The following MYLK3 variants were observed in gnomAD, a reference collection of about 807,000 sequenced individuals.
MYLK3 encodes MLC kinase.
Under a neutral mutation model 76.3 loss-of-function variants are expected in MYLK3, and 55 were observed. The observed-to-expected ratio is 0.72, with a 90% CI of 0.58 to 0.90. The LOEUF (loss-of-function observed/expected upper bound fraction) is 0.90. Among genes scored for constraint, MYLK3 ranks in the 40% least tolerant of loss-of-function variants. The pLI is 0.00. For missense variants in MYLK3, 973 were observed against 1,053.6 expected, an observed-to-expected ratio of 0.92 and a Z score of 1.06; for synonymous variants, 416 against 425.4, an observed-to-expected ratio of 0.98 and a Z score of 0.27.
chr16:46,741,770 AT>A (rs11314898), intron 1 of MYLK3, among the ~76,000 whole-genome samples: 125,392 of 134,184 alleles, frequency 0.93, 58,620 homozygotes, highest in East Asian at 0.98. Flanking sequence ...TGGGCTTGCA[AT>A]TTTTTTTTTT....
Position 46,729,021 on chromosome 16 carries a change from C to A in MYLK3, c.1772+3G>T. 1.2e-6 allele frequency: 2 copies of A among 1,612,664 alleles called. No individual in the cohort carries two copies. Among genetic ancestry groups the A allele is most frequent in the Non-Finnish European group, 1.7e-6 (2 of 1,178,666 alleles). On this transcript the variant is annotated splice_donor_region_variant and intron_variant, in intron 7 of 12. Transcript: ENST00000394809. ...AGGCGGCCGCCCCGCCTCTGATACTCACTACTCCATGACAAGGGTGCAGCT... is the reference window on the plus strand; with the variant it reads ...AGGCGGCCGCCCCGCCTCTGATACTAACTACTCCATGACAAGGGTGCAGCT...
Position 46,748,290 on chromosome 16 carries a change from T to G in MYLK3, c.-97A>C. The stretch of plus-strand genomic sequence containing the variant: ...GGTGGTGTCTGCAAGGTCATTGTCC[T>G]CCGTAGCTGACAGACTCCTGGCAGC... On this transcript the variant is annotated 5_prime_UTR_variant, in exon 1 of 13. Coordinates refer to ENST00000394809, the MANE Select transcript of MYLK3 (RefSeq NM_182493.3). The surrounding 1 kb of genome is among the most constrained non-coding windows in gnomAD (Gnocchi z 4.3). 1 of 1,467,932 alleles carries G rather than the reference T, an allele frequency of 6.8e-7. No homozygotes were observed. Among genetic ancestry groups the G allele is most frequent in the Non-Finnish European group, 9.0e-7 (1 of 1,113,012 alleles). 90.9% of individuals were successfully genotyped at this position (1,467,932 alleles called of 1,614,324 possible). A position where few individuals can be genotyped will look rare whatever the true frequency, so the allele number is the denominator to read the frequency against.
intron 1 of MYLK3, among the ~76,000 whole-genome samples, chr16:46,741,089 C>T (rs1395244954): frequency 9.9e-5 from 15 of 152,218 alleles, no homozygotes; most frequent in Non-Finnish European, 2.2e-4. Context: ...TGAACCCCAC[C>T]TTCACCACTT....
In MYLK3 at chr16:46,729,703, C is replaced by G; in HGVS notation, c.1569-16G>C. On this transcript the variant is annotated splice_polypyrimidine_tract_variant and intron_variant, in intron 5 of 12. Coordinates refer to ENST00000394809, the MANE Select transcript of MYLK3 (RefSeq NM_182493.3). ...AAACCGACCCCTGCAGAGACATAGC[C>G]ACACGGCAGGCTGAGAGCCCAGAGG... 1 of 1,611,326 alleles carries G rather than the reference C, an allele frequency of 6.2e-7. No individual in the cohort carries two copies. Among genetic ancestry groups the G allele is most frequent in the Non-Finnish European group, 8.5e-7 (1 of 1,177,824 alleles).
intron 4 of MYLK3, 133 bp downstream of exon 4, chr16:46,732,075 T>C: frequency 1.1e-5 from 8 of 743,786 alleles, no homozygotes; most frequent in Non-Finnish European, 1.7e-5. Context: ...TACCTGGAGA[T>C]GTTCCCGACT....
At chr16:46,728,914 G>T in intron 7 of MYLK3, 110 bp downstream of exon 7, 1 of 782,494 alleles carries the variant, frequency 1.3e-6, no homozygotes, top group Non-Finnish European at 2.2e-6. Flanking sequence ...GACCCTGGAC[G>T]TGCCAGGAAG....
At chr16:46,737,223 A>G (rs1186909414) in intron 3 of MYLK3, among the ~76,000 whole-genome samples, 2 of 151,892 alleles carry the variant, frequency 1.3e-5, no homozygotes, top group Non-Finnish European at 2.9e-5. Flanking sequence ...CTGGGAGCCT[A>G]AGTATTCTCA....
At chr16:46,761,874 T>A (rs148548009) in intron 1 of MYLK3, among the ~76,000 whole-genome samples, 37 of 149,796 alleles carry the variant, frequency 2.5e-4, no homozygotes, top group African/African-American at 8.4e-4. Context: ...TGTATTGCAC[T>A]GCATGTAAGT....
rs758349996 is a variant in MYLK3 at position 46,721,203 on chromosome 16, A to G, written c.1915-10T>C. 1 of 1,614,082 alleles carries G rather than the reference A, an allele frequency of 6.2e-7. No individual in the cohort carries two copies. The highest frequency in any genetic ancestry group is 1.1e-5 in the South Asian group (1 of 91,084). The stretch of plus-strand genomic sequence containing the variant: ...ACAATATGTTCTCCGGCTGGGAAAG[A>G]AAGAAGTCTGCTTAGCCCAAGCAAT... On this transcript the variant is annotated splice_polypyrimidine_tract_variant and intron_variant, in intron 8 of 12. Coordinates refer to ENST00000394809, the MANE Select transcript of MYLK3 (RefSeq NM_182493.3).
rs1236328450 is a variant in MYLK3, at chr16:46,737,603, A to G, written c.1001+108T>C. On this transcript the variant is annotated intron_variant, in intron 3 of 12. Coordinates refer to ENST00000394809, the MANE Select transcript of MYLK3 (RefSeq NM_182493.3). ...CAGGCCTCCTCCCCATTCCCCTCGCAAGAACAGCCCAGGAACATGTATGCA... is the reference window on the plus strand; with the variant it reads ...CAGGCCTCCTCCCCATTCCCCTCGCGAGAACAGCCCAGGAACATGTATGCA... 7 of 1,139,256 alleles carry G rather than the reference A, an allele frequency of 6.1e-6. No homozygotes were observed. In the African/African-American group the frequency reaches 7.7e-5, roughly 13 times the overall value. The allele number at this position is 1,139,256 out of a possible 1,614,324, so 70.6% of individuals were successfully genotyped here.
chr16:46,758,302 ACACTCTCTCTCT>A (rs777060388), intron 1 of MYLK3, among the ~76,000 whole-genome samples: 3,035 of 53,718 alleles, frequency 0.056, 31 homozygotes, highest in South Asian at 0.21. Flanking sequence ...ACACACACAC[ACACTCTCTCTCT>A]CTCTCTCTCT....
intron 1 of MYLK3, among the ~76,000 whole-genome samples, chr16:46,746,940 A>G (rs1298029087): frequency 6.6e-6 from 1 of 152,206 alleles, no homozygotes; most frequent in Admixed American, 6.5e-5. Context: ...CACAGAGTCA[A>G]GCACGGACCC....
At chr16:46,740,536 C>CATATATAT (rs370327693) in intron 1 of MYLK3, among the ~76,000 whole-genome samples, 12 of 93,638 alleles carry the variant, frequency 1.3e-4, no homozygotes, top group East Asian at 6.7e-4. Flanking sequence ...TATATACATA[C>CATATATAT]ATATATATAT....
intron 1 of MYLK3, among the ~76,000 whole-genome samples, chr16:46,742,447 A>AACACACACACAC (rs57671045): frequency 3.8e-4 from 50 of 131,164 alleles, no homozygotes; most frequent in African/African-American, 1.3e-3. Context: ...TCCCAGCAAA[A>AACACACACACAC]ACACACACAC....
chr16:46,753,086 G>A (rs1567293408), upstream of MYLK3, among the ~76,000 whole-genome samples: 1 of 152,154 alleles, frequency 6.6e-6, no homozygotes, highest in Non-Finnish European at 1.5e-5. Flanking sequence ...GTGGAGGAGA[G>A]GTAACTGGAG....
At chr16:46,708,227 C>T (rs1343161086) in intron 12 of MYLK3, among the ~76,000 whole-genome samples, 1 of 152,094 alleles carries the variant, frequency 6.6e-6, no homozygotes, top group African/African-American at 2.4e-5. Flanking sequence ...GTTTATCCTG[C>T]CCTTTTCACA....
At chr16:46,741,625 T>C (rs1966932256) in intron 1 of MYLK3, among the ~76,000 whole-genome samples, 1 of 151,936 alleles carries the variant, frequency 6.6e-6, no homozygotes, top group South Asian at 2.1e-4. Context: ...CGGGCTTCTG[T>C]GGCCAAGGCA....
At position 46,703,068 on chromosome 16, in the gene MYLK3, C is replaced by T. The variant is rs938366909; in HGVS notation, c.*4636G>A. 6.6e-6 allele frequency among the ~76,000 whole-genome samples: 1 copy of T among 151,944 alleles called. No individual in the cohort carries two copies. The highest frequency in any genetic ancestry group is 2.4e-5 in the African/African-American group (1 of 41,368). ...CTCCACTGTTAAGTTTCTTGCATAT[C>T]CTACGGTTTTTTAATGCACATATAA... On this transcript the variant is annotated 3_prime_UTR_variant, in exon 13 of 13. Coordinates refer to ENST00000394809, the MANE Select transcript of MYLK3 (RefSeq NM_182493.3).
upstream of MYLK3, among the ~76,000 whole-genome samples, chr16:46,751,921 A>AG (rs2143017733): frequency 6.6e-6 from 1 of 152,260 alleles, no homozygotes; most frequent in African/African-American, 2.4e-5. Flanking sequence ...AGGACACAGC[A>AG]GGGGGCTTGG....
Sources: gnomAD v4.1 joint callset for allele counts (sites outside exome capture counted in the v4.1 genomes callset) on GRCh38, gnomAD v4.1.1 for gene constraint, Gnocchi (gnomAD v3.1) non-coding constraint, MANE v1.5 for transcripts, NCBI Gene and HGNC (gene_info 2026-07-23, HGNC 2026-07-21) for gene names.